GLIS3: variants seen among roughly 807,000 people sequenced by gnomAD.
GLIS3 encodes the protein GLIS family zinc finger 3.
A neutral mutation model predicts 78.6 loss-of-function variants in GLIS3; 53 were observed. That is an observed-to-expected ratio of 0.67 (90% confidence interval 0.54 to 0.85). GLIS3 has a LOEUF of 0.85. Ranked by LOEUF, GLIS3 falls within the 40% of genes least tolerant of loss-of-function variation. GLIS3 has a pLI of 0.00. For missense variants in GLIS3, 1,703 were observed against 1,231.1 expected (o/e 1.38, Z -5.74); for synonymous variants, 684 against 509.9 (o/e 1.34, Z -4.60).
intron 8 of GLIS3, among the ~76,000 whole-genome samples, chr9:3,864,903 G>T (rs893253595): frequency 6.6e-6 from 1 of 152,178 alleles, no homozygotes. Flanking sequence ...TTGAACAAAT[G>T]TAGGTCATTG....
chr9:4,454,401 C>G, the GLIS3 span, among the ~76,000 whole-genome samples: 1,841 of 152,246 alleles, frequency 0.012, 39 homozygotes, highest in African/African-American at 0.041. Context: ...TGAATGAACC[C>G]TGCACATACC....
intron 2 of GLIS3, among the ~76,000 whole-genome samples, chr9:4,143,630 T>C (rs1283041306): frequency 6.6e-6 from 1 of 152,188 alleles, no homozygotes; most frequent in East Asian, 1.9e-4. Context: ...AATACAGTAT[T>C]GTCAACTATG....
At chr9:3,896,112 G>A (rs1297200370) in intron 7 of GLIS3, among the ~76,000 whole-genome samples, 1 of 152,084 alleles carries the variant, frequency 6.6e-6, no homozygotes, top group Non-Finnish European at 1.5e-5. Flanking sequence ...GTTTCCTTTT[G>A]CACCTTTGGC....
chr9:3,871,206 G>C (rs539542636), intron 8 of GLIS3, among the ~76,000 whole-genome samples: 1 of 152,324 alleles, frequency 6.6e-6, no homozygotes, highest in African/African-American at 2.4e-5. Context: ...CTCCACTCCT[G>C]TGGCTTTGCA....
At chr9:4,352,601 G>T (rs1817987826), upstream of GLIS3, among the ~76,000 whole-genome samples, 1 of 152,224 alleles carries the variant, frequency 6.6e-6, no homozygotes, top group Non-Finnish European at 1.5e-5. Flanking sequence ...TTCTGTAGAG[G>T]GAGGTTTCTT....
upstream of GLIS3, among the ~76,000 whole-genome samples, chr9:4,353,308 G>C (rs1587400629): frequency 6.6e-6 from 1 of 152,110 alleles, no homozygotes; most frequent in South Asian, 2.1e-4. Context: ...TGTCTTTTTT[G>C]TGCATGAAAT....
chr9:4,100,774 T>C (rs1437373670), intron 4 of GLIS3, among the ~76,000 whole-genome samples: 1 of 152,212 alleles, frequency 6.6e-6, no homozygotes, highest in Admixed American at 6.5e-5. Context: ...CTCCTGAGCA[T>C]AGAAAGCCAT....
At chr9:4,258,925 G>A (rs552955391) in intron 2 of GLIS3, among the ~76,000 whole-genome samples, 4 of 152,058 alleles carry the variant, frequency 2.6e-5, no homozygotes, top group Non-Finnish European at 4.4e-5. Flanking sequence ...TTTTCCAATC[G>A]TATTTATAAA....
At chr9:4,086,929 T>C (rs187743642) in intron 4 of GLIS3, among the ~76,000 whole-genome samples, 5 of 152,190 alleles carry the variant, frequency 3.3e-5, no homozygotes, top group African/African-American at 1.2e-4. Flanking sequence ...GTCCTCCACA[T>C]TGGACCTTGA....
At chr9:4,397,436 G>C in the GLIS3 span, among the ~76,000 whole-genome samples, 1 of 151,628 alleles carries the variant, frequency 6.6e-6, no homozygotes, top group Admixed American at 6.6e-5. Context: ...TACTGATTTT[G>C]ATAGCAGTAC....
rs182448359 is a variant in GLIS3, at chr9:4,283,417, C to A, written c.388+2621G>T. Among the ~76,000 whole-genome samples the A allele has an allele frequency of 5.1e-3, 776 of 152,216 alleles. 7 individuals carry two copies. Among genetic ancestry groups the A allele is most frequent in the Admixed American group, 8.9e-3 (136 of 15,276 alleles). On this transcript the variant is annotated intron_variant, in intron 2 of 10. Transcript: ENST00000381971. Reference sequence around the variant, plus strand: ...AGTAGCTGGGATTACAGGCGCCCACCACCACACCCGGCTCATTTTTGTATT... The same window carrying A: ...AGTAGCTGGGATTACAGGCGCCCACAACCACACCCGGCTCATTTTTGTATT...
At chr9:4,026,572 GA>G (rs1823366031) in intron 4 of GLIS3, among the ~76,000 whole-genome samples, 1 of 151,916 alleles carries the variant, frequency 6.6e-6, no homozygotes, top group Non-Finnish European at 1.5e-5. Context: ...GAGACAGAAG[GA>G]AAAAAATTCA....
the GLIS3 span, among the ~76,000 whole-genome samples, chr9:4,360,753 G>C: frequency 6.6e-6 from 1 of 152,218 alleles, no homozygotes; most frequent in East Asian, 1.9e-4. Context: ...CTGACACAGA[G>C]TTGTGTTGAG....
chr9:4,305,089 C>G (rs952142338), intron 4 of GLIS3: 2 of 152,156 alleles, frequency 1.3e-5, no homozygotes, highest in Non-Finnish European at 2.9e-5. Flanking sequence ...AGCACAACTT[C>G]CATTTTACAG....
At chr9:4,172,815 T>C (rs927318) in intron 2 of GLIS3, among the ~76,000 whole-genome samples, 77,477 of 151,880 alleles carry the variant, frequency 0.51, 19,965 homozygotes, top group African/African-American at 0.58. Flanking sequence ...CAAGCAAGGG[T>C]TGTCTTAATC....
chr9:3,862,816 AC>A (rs762239317), intron 8 of GLIS3, among the ~76,000 whole-genome samples: 2 of 152,200 alleles, frequency 1.3e-5, no homozygotes, highest in Non-Finnish European at 2.9e-5. Flanking sequence ...ATTCATTAGA[AC>A]AGCTTGTTTC....
the GLIS3 span, among the ~76,000 whole-genome samples, chr9:4,399,852 G>A: frequency 6.6e-6 from 1 of 152,210 alleles, no homozygotes. Context: ...TGCTGTAGCT[G>A]AGACCTGAAG....
intron 1 of GLIS3, among the ~76,000 whole-genome samples, chr9:4,298,751 G>C (rs1024376455): frequency 6.6e-6 from 1 of 152,148 alleles, no homozygotes; most frequent in African/African-American, 2.4e-5. Context: ...CGTCCTGGCG[G>C]CGTGGGAGGT....
intron 4 of GLIS3, among the ~76,000 whole-genome samples, chr9:4,023,528 G>C (rs1823056685): frequency 1.3e-5 from 2 of 152,202 alleles, no homozygotes; most frequent in Admixed American, 1.3e-4. Flanking sequence ...CTGCAAGAAA[G>C]TCTCAGAACT....
Sources: allele counts gnomAD v4.1 joint callset (sites outside exome capture counted in the v4.1 genomes callset), GRCh38; gene constraint gnomAD v4.1.1; transcripts MANE v1.5; gene names NCBI Gene and HGNC (gene_info 2026-07-23, HGNC 2026-07-21).